Variants in DPP6 observed in about 807,000 individuals in gnomAD.
DPP6 encodes dipeptidyl peptidase like 6, also known as A-type potassium channel modulatory protein DPP6.
Under a neutral mutation model 122.6 loss-of-function variants are expected in DPP6, and 69 were observed. That is an observed-to-expected ratio of 0.56 (90% confidence interval 0.46 to 0.69). The LOEUF (loss-of-function observed/expected upper bound fraction) is 0.69, where lower values mean the gene tolerates loss of function less well. Among genes scored for constraint, DPP6 ranks in the 30% least tolerant of loss-of-function variants. The pLI, the probability that DPP6 is intolerant of heterozygous loss-of-function variation, is 0.00. For missense variants in DPP6, 928 were observed against 1,116.9 expected (o/e 0.83, Z 2.41); for synonymous variants, 418 against 433.1 (o/e 0.97, Z 0.43).
At chr7:154,856,706 G>A (rs1312907334) in intron 17 of DPP6, among the ~76,000 whole-genome samples, 2 of 152,194 alleles carry the variant, frequency 1.3e-5, no homozygotes. Context: ...ATAGGCCCTA[G>A]GTTGCCATCC....
intron 1 of DPP6, among the ~76,000 whole-genome samples, chr7:154,141,867 G>A (rs1795864176): frequency 6.6e-6 from 1 of 152,204 alleles, no homozygotes; most frequent in South Asian, 2.1e-4. Flanking sequence ...AGAAATTAGT[G>A]TATATCTGGA....
At chr7:153,872,086 C>G in the DPP6 span, among the ~76,000 whole-genome samples, 1 of 152,192 alleles carries the variant, frequency 6.6e-6, no homozygotes, top group Non-Finnish European at 1.5e-5. Flanking sequence ...CCTTCATTCT[C>G]TTTGTAATGG....
At chr7:154,114,190 A>G (rs1336365599) in intron 1 of DPP6, among the ~76,000 whole-genome samples, 1 of 151,620 alleles carries the variant, frequency 6.6e-6, no homozygotes, top group Non-Finnish European at 1.5e-5. Flanking sequence ...CATTTAGCAC[A>G]GCCCTGGACA....
chr7:154,041,901 G>T (rs577830177), intron 1 of DPP6, among the ~76,000 whole-genome samples: 39 of 152,250 alleles, frequency 2.6e-4, no homozygotes, highest in Admixed American at 1.2e-3. Context: ...TAGGATTACA[G>T]TCATACGCCA....
At chr7:154,086,526 A>G (rs1362534670) in intron 1 of DPP6, among the ~76,000 whole-genome samples, 1 of 149,030 alleles carries the variant, frequency 6.7e-6, no homozygotes, top group Non-Finnish European at 1.5e-5. Flanking sequence ...GCCCTACACG[A>G]TGTTCCATTT....
chr7:154,007,860 G>T (rs1797978886), intron 1 of DPP6, among the ~76,000 whole-genome samples: 1 of 152,192 alleles, frequency 6.6e-6, no homozygotes. Context: ...AGGTGTGTGG[G>T]CAGACGAGAG....
At chr7:154,392,034 G>A (rs1296917382) in intron 1 of DPP6, among the ~76,000 whole-genome samples, 1 of 152,216 alleles carries the variant, frequency 6.6e-6, no homozygotes, top group African/African-American at 2.4e-5. Flanking sequence ...AGCACTTTGG[G>A]AGGCTGAGGC....
intron 1 of DPP6, chr7:154,094,783 A>G (rs909372666): frequency 1.3e-5 from 2 of 152,130 alleles, no homozygotes; most frequent in Non-Finnish European, 2.9e-5. Context: ...TGGTGAGCCT[A>G]TGCCTTCTTG....
At chr7:154,008,190 A>AT (rs1327844674) in intron 1 of DPP6, among the ~76,000 whole-genome samples, 1 of 152,186 alleles carries the variant, frequency 6.6e-6, no homozygotes, top group Non-Finnish European at 1.5e-5. Context: ...GATAAAACAG[A>AT]TTCAGAGAAT....
At chr7:153,940,106 T>G (rs1215144366) in intron 1 of DPP6, among the ~76,000 whole-genome samples, 1 of 152,162 alleles carries the variant, frequency 6.6e-6, no homozygotes, top group Non-Finnish European at 1.5e-5. Context: ...CCTCCCTCTT[T>G]TGAGTCTGTC....
At chr7:154,884,071 T>TACACATGCTCACACACACACTCACCC (rs1805811308) in intron 21 of DPP6, 2 of 113,242 alleles carry the variant, frequency 1.8e-5, no homozygotes, top group Non-Finnish European at 3.5e-5. Context: ...TGCTCACCCA[T>TACACATGCTCACACACACACTCACCC]ACACATGCTC....
rs2131508932 is a variant in DPP6, at chr7:154,760,273, G to T, written c.884-9144G>T. Among the ~76,000 whole-genome samples the T allele has an allele frequency of 6.6e-6, 1 of 152,304 alleles. No homozygotes were observed. The highest frequency in any genetic ancestry group is 6.5e-5 in the Admixed American group (1 of 15,296). On this transcript the variant is annotated intron_variant, in intron 8 of 25. Transcript: ENST00000377770. This position sits in a 1 kb window ranked among gnomAD's most constrained non-coding sequence, Gnocchi z 4.5. ...GCAGGTGATTGGTGGAAGGAACGGG[G>T]AGGTTTGGAAAGTCCTTCAGCACAC...
chr7:154,545,344 G>A (rs1403343451), intron 4 of DPP6, among the ~76,000 whole-genome samples: 1 of 151,806 alleles, frequency 6.6e-6, no homozygotes, highest in Non-Finnish European at 1.5e-5. Context: ...TGGATCTTTG[G>A]ACATTTGGCC....
At chr7:153,864,859 C>T in the DPP6 span, among the ~76,000 whole-genome samples, 5 of 152,192 alleles carry the variant, frequency 3.3e-5, no homozygotes, top group South Asian at 2.1e-4. Flanking sequence ...GGCAGTTTAT[C>T]GACACTTATT....
At position 154,581,497 on chromosome 7, in the gene DPP6, G is replaced by T. The variant is rs149306862; in HGVS notation, c.627+14581G>T. On this transcript the variant is annotated intron_variant, in intron 5 of 25. Coordinates refer to ENST00000377770, the MANE Select transcript of DPP6 (RefSeq NM_130797.4). ...CAGCTTCAGAACAGGGAAAGGAGGA[G>T]AACACGGGTTTCACAGGAGGAGAAG... is the stretch of plus-strand genomic sequence containing the variant. Among the ~76,000 whole-genome samples, 106 of 152,220 alleles carry T rather than the reference G, an allele frequency of 7.0e-4. 1 individual carries two copies. The highest frequency in any genetic ancestry group is 1.2e-3 in the Non-Finnish European group (81 of 68,012).
Position 154,833,549 on chromosome 7 carries a change from C to T in DPP6, c.1667-20231C>T, listed in dbSNP as rs954522784. Among the ~76,000 whole-genome samples, 5 of 152,098 alleles carry T rather than the reference C, an allele frequency of 3.3e-5. No individual in the cohort carries two copies. The highest frequency in any genetic ancestry group is 7.2e-5 in the African/African-American group (3 of 41,416). On this transcript the variant is annotated intron_variant, in intron 16 of 25. Coordinates refer to ENST00000377770, the MANE Select transcript of DPP6 (RefSeq NM_130797.4). This position sits in a 1 kb window ranked among gnomAD's most constrained non-coding sequence, Gnocchi z 4.3. ...CAGAGCAGGACCTGTTGCTGGTAGACGGTGGTGATGCTGGAGGGGATGCTG... is the reference window on the plus strand; with the variant it reads ...CAGAGCAGGACCTGTTGCTGGTAGATGGTGGTGATGCTGGAGGGGATGCTG...
At chr7:154,305,335 T>TGGGGG in intron 1 of DPP6, 144 of 1,024,132 alleles carry the variant, frequency 1.4e-4, no homozygotes, top group Non-Finnish European at 1.6e-4. Context: ...TCGTCTTGTC[T>TGGGGG]ACCCACCCTC....
At chr7:154,693,894 G>A (rs997625001) in intron 7 of DPP6, among the ~76,000 whole-genome samples, 19 of 152,176 alleles carry the variant, frequency 1.2e-4, no homozygotes, top group African/African-American at 4.3e-4. Flanking sequence ...CTTGTGGTGT[G>A]AGAGTAATAG....
intron 2 of DPP6, 93 bp downstream of exon 2, chr7:154,446,421 A>G: frequency 1.3e-6 from 1 of 750,436 alleles, no homozygotes; most frequent in Non-Finnish European, 2.1e-6. Flanking sequence ...TACCTATTAC[A>G]TAATTTATTT....
Sources: allele counts gnomAD v4.1 joint callset (sites outside exome capture counted in the v4.1 genomes callset), GRCh38; gene constraint gnomAD v4.1.1; non-coding constraint Gnocchi (gnomAD v3.1); transcripts MANE v1.5; gene names NCBI Gene and HGNC (gene_info 2026-07-23, HGNC 2026-07-21).